Variants in SRCAP observed in about 807,000 individuals in gnomAD.
The protein encoded by SRCAP is Snf2 related CREBBP activator protein.
In SRCAP, 46 loss-of-function variants were observed where a neutral mutation model predicts 263.1. That is an observed-to-expected ratio of 0.17 (90% CI 0.14 to 0.22). SRCAP has a LOEUF of 0.22. Ranked by LOEUF, SRCAP falls within the 10% of genes least tolerant of loss-of-function variation. SRCAP has a pLI of 1.00. For synonymous variants in SRCAP, 1,813 were observed against 1,662.1 expected (o/e 1.09, Z -2.21); for missense variants, 3,695 against 4,181.9 (o/e 0.88, Z 3.21).
chr16:30,723,566 C>A lies in SRCAP; in HGVS notation c.4160-18C>A. 6.2e-7 allele frequency: 1 copy of A among 1,601,298 alleles called. No individual in the cohort carries two copies. Among genetic ancestry groups the A allele is most frequent in the East Asian group, 2.2e-5 (1 of 44,762 alleles). On this transcript the variant is annotated intron_variant, in intron 24 of 33. Coordinates refer to ENST00000262518, the MANE Select transcript of SRCAP (RefSeq NM_006662.3). ...CAGGAAAAGAATTCTGGGGCTAACT[C>A]ATCCTCTCTCTCCACAGCTTCAGCC...
Position 30,704,205 on chromosome 16 carries a change from G to T in SRCAP, c.196G>T (p.Gly66Cys). Residue 66 changes from glycine (G) to cysteine (C), a missense_variant, in exon 4 of 34, where the codon GGT (glycine) becomes TGT (cysteine). Physicochemically the swap from Gly to Cys is radical, Grantham distance 159 (BLOSUM62 -3). Coordinates refer to ENST00000262518, the MANE Select transcript of SRCAP (RefSeq NM_006662.3). ...GGATGGACCTCCAGGCCCCCCAGAT[G>T]GTGCCACAGTGCCCCTGGAGGGGTT... is the stretch of plus-strand genomic sequence containing the variant. ...SLDGPPGPPDGATVPLEGFSL... is the reference protein window; with the variant it reads ...SLDGPPGPPDCATVPLEGFSL... The T allele has an allele frequency of 1.9e-6, 3 of 1,614,194 alleles. No homozygotes were observed. Among genetic ancestry groups the T allele is most frequent in the Non-Finnish European group, 2.5e-6 (3 of 1,180,036 alleles).
At position 30,722,147 on chromosome 16, in the gene SRCAP, G is replaced by C. The variant is rs1306682420; in HGVS notation, c.3567G>C (p.Gln1189His). The C allele has an allele frequency of 6.2e-7, 1 of 1,614,058 alleles. No individual in the cohort carries two copies. The highest frequency in any genetic ancestry group is 8.5e-7 in the Non-Finnish European group (1 of 1,180,024). ...LPSGEVVSIG[Q>H]LASLAQRPVA... Reference sequence around the variant, plus strand: ...CAGGCGAAGTGGTCAGCATCGGGCAGTTAGCCTCACTGGCACAACGTCCAG... The same window carrying C: ...CAGGCGAAGTGGTCAGCATCGGGCACTTAGCCTCACTGGCACAACGTCCAG... Residue 1189 changes from glutamine (Q) to histidine (H), a missense_variant, in exon 22 of 34, where the codon CAG becomes CAC. By Grantham distance (24) the Gln-to-His change is conservative. Transcript: ENST00000262518.
chr16:30,722,540 C>T (rs1357304309), intron 22 of SRCAP, 23 bp from the exon 23 acceptor site: 1 of 1,606,490 alleles, frequency 6.2e-7, no homozygotes, highest in Non-Finnish European at 8.5e-7. Context: ...TTCTCTCTCT[C>T]TTTCTCTCTT....
At chr16:30,734,466 T>C in intron 30 of SRCAP, 30 bp from the exon 31 acceptor site, 1 of 1,613,148 alleles carries the variant, frequency 6.2e-7, no homozygotes, top group Non-Finnish European at 8.5e-7. Flanking sequence ...TTCTGTTGAC[T>C]CTGACACTTC....
chr16:30,703,173 G>A (rs1005871365), intron 3 of SRCAP, among the ~76,000 whole-genome samples: 16 of 143,960 alleles, frequency 1.1e-4, no homozygotes, highest in African/African-American at 2.3e-4. Context: ...ATATATGTAT[G>A]TATATAAATT....
intron 4 of SRCAP, 119 bp from the exon 5 acceptor site, chr16:30,707,064 T>C: frequency 1.1e-6 from 1 of 930,120 alleles, no homozygotes; most frequent in Non-Finnish European, 1.6e-6. Context: ...GTAAGTTTGG[T>C]ATGTGGACTA....
chr16:30,723,136 C>G lies in SRCAP; in HGVS notation c.4066C>G (p.Pro1356Ala). The stretch of plus-strand genomic sequence containing the variant: ...GTTAACCCCTGGCCGGCTACCCACA[C>G]CTACTCTGGGTACTGCTCGAGCCCC... ...PTLTPGRLPTPTLGTARAPMP... is the reference protein window; with the variant it reads ...PTLTPGRLPTATLGTARAPMP... The change falls in exon 24 of 34, where the codon CCT becomes GCT. Residue 1356 changes from proline (P) to alanine (A), a missense_variant. Around this residue, in one of 12 missense-constraint regions of SRCAP, gnomAD observed 1,347 missense variants for 1,304.4 expected, o/e 1.03. Transcript: ENST00000262518. 1 of 1,614,120 alleles carries G rather than the reference C, an allele frequency of 6.2e-7. No homozygotes were observed. The highest frequency in any genetic ancestry group is 8.5e-7 in the Non-Finnish European group (1 of 1,180,026).
chr16:30,729,653 A>G, intron 27 of SRCAP, 81 bp downstream of exon 27: 2 of 1,524,254 alleles, frequency 1.3e-6, no homozygotes, highest in Middle Eastern at 1.7e-4. Flanking sequence ...GGGATGCTGC[A>G]CTTAAGTTCT....
Position 30,716,005 on chromosome 16 carries a change from C to T in SRCAP, c.2494-61C>T. On this transcript the variant is annotated intron_variant, in intron 16 of 33. Coordinates refer to ENST00000262518, the MANE Select transcript of SRCAP (RefSeq NM_006662.3). ...GACTCCATTAGTGTTTGCTGAGGGG[C>T]TTAGGCTGGGGCTCGGTGCCTGAGT... is the stretch of plus-strand genomic sequence containing the variant. The T allele has an allele frequency of 2.5e-6, 4 of 1,607,812 alleles. No individual in the cohort carries two copies. The South Asian group carries it at 4.4e-5, about 18-fold the overall frequency.
At position 30,720,941 on chromosome 16, in the gene SRCAP, G is replaced by A; in HGVS notation, c.3216G>A (p.Leu1072=). The A allele has an allele frequency of 6.2e-7, 1 of 1,612,826 alleles. No homozygotes were observed. The highest frequency in any genetic ancestry group is 8.5e-7 in the Non-Finnish European group (1 of 1,179,310). ...CTCGGCCTCCTGGCCCTGTCCTCTTGCCTCCACTGCAGCCCAACAGTGGTT... is the reference window on the plus strand; with the variant it reads ...CTCGGCCTCCTGGCCCTGTCCTCTTACCTCCACTGCAGCCCAACAGTGGTT... ...PASRPPGPVL[L]PPLQPNSGSL... Residue 1072 remains leucine, a synonymous_variant, in exon 20 of 34, where the codon TTG becomes TTA. Transcript: ENST00000262518.
intron 13 of SRCAP, 74 bp downstream of exon 13, chr16:30,712,513 C>A: frequency 6.6e-7 from 1 of 1,521,754 alleles, no homozygotes. Flanking sequence ...ATGACTCCAG[C>A]TTCATTGACT....
At chr16:30,722,824 C>A in intron 23 of SRCAP, 76 bp downstream of exon 23, 1 of 1,552,752 alleles carries the variant, frequency 6.4e-7, no homozygotes. Context: ...ACTGTCTGTC[C>A]AGCCTTCCCT....
In SRCAP at chr16:30,720,850, C is replaced by G; in HGVS notation, c.3125C>G (p.Pro1042Arg). 1 of 1,614,024 alleles carries G rather than the reference C, an allele frequency of 6.2e-7. No individual in the cohort carries two copies. Among genetic ancestry groups the G allele is most frequent in the Non-Finnish European group, 8.5e-7 (1 of 1,180,004 alleles). ...GCCCAGCCCACCCCTGGCCCAGTCC[C>G]CCAAGTGCTGCCAGCATCACTGATG... ...LSAQPTPGPV[P>R]QVLPASLMVS... Residue 1042 changes from proline (P) to arginine (R), a missense_variant, in exon 20 of 34, where the codon CCC (proline) becomes CGC (arginine). Around this residue, in one of 12 missense-constraint regions of SRCAP, gnomAD observed 1,347 missense variants for 1,304.4 expected, o/e 1.03. Transcript: ENST00000262518.
At chr16:30,707,808 A>G in intron 6 of SRCAP, 96 bp downstream of exon 6, 2 of 1,471,408 alleles carry the variant, frequency 1.4e-6, no homozygotes, top group Non-Finnish European at 1.9e-6. Context: ...GGGAGTAAAT[A>G]TAATTTCAGG....
chr16:30,700,331 A>G (rs922007890), intron 2 of SRCAP, among the ~76,000 whole-genome samples: 4 of 152,214 alleles, frequency 2.6e-5, no homozygotes, highest in Non-Finnish European at 5.9e-5. Context: ...TGTAAGCTAC[A>G]TTTAGGTCGG....
chr16:30,713,682 A>G lies in SRCAP; in HGVS notation c.2464A>G (p.Asn822Asp), dbSNP rs1454332319. 1.2e-6 allele frequency: 2 copies of G among 1,614,098 alleles called. No individual in the cohort carries two copies. The highest frequency in any genetic ancestry group is 1.7e-6 in the Non-Finnish European group (2 of 1,180,020). Residue 822 changes from asparagine to aspartate, a missense_variant, in exon 16 of 34, where the codon AAT becomes GAT. By Grantham distance (23) the Asn-to-Asp change is conservative. Around this residue, in one of 12 missense-constraint regions of SRCAP, gnomAD observed 121 missense variants for 330.7 expected, o/e 0.37. Coordinates refer to ENST00000262518, the MANE Select transcript of SRCAP (RefSeq NM_006662.3). ...CATGATTGAGGGCAGCCAAGAGTAT[A>G]ATGAAGGTCTAGTCAAACGCCTCCA... ...TGMIEGSQEY[N>D]EGLVKRLHKV...
Position 30,720,947 on chromosome 16 carries a change from A to G in SRCAP, c.3222A>G (p.Pro1074=). 1 of 1,611,880 alleles carries G rather than the reference A, an allele frequency of 6.2e-7. No homozygotes were observed. Among genetic ancestry groups the G allele is most frequent in the South Asian group, 1.1e-5 (1 of 90,708 alleles). The change falls in exon 20 of 34, where the codon CCA becomes CCG. Residue 1074 remains proline (P), a synonymous_variant. Coordinates refer to ENST00000262518, the MANE Select transcript of SRCAP (RefSeq NM_006662.3). The part of the protein sequence containing the change: ...SRPPGPVLLP[P]LQPNSGSLPQ... ...CTCCTGGCCCTGTCCTCTTGCCTCC[A>G]CTGCAGCCCAACAGTGGTTCTCTCC...
chr16:30,723,834 A>G lies in SRCAP; in HGVS notation c.4410A>G (p.Pro1470=). 3.1e-6 allele frequency: 5 copies of G among 1,613,512 alleles called. No homozygotes were observed. The highest frequency in any genetic ancestry group is 4.2e-6 in the Non-Finnish European group (5 of 1,179,912). ...CCTTGACTGTTTCTGCTTCGGGCCC[A>G]GCTCTGTTGACCAGTGTGACTCCAC... ...SAPLTVSASG[P]ALLTSVTPPL... Residue 1470 remains proline, a synonymous_variant, in exon 25 of 34, where the codon CCA becomes CCG. Transcript: ENST00000262518.
chr16:30,723,977 C>T lies in SRCAP; in HGVS notation c.4553C>T (p.Ser1518Phe), dbSNP rs1244234372. Reference sequence around the variant, plus strand: ...GCCACAGCTCCATCCCTGTCTTCATCTCAGACACCTGGTCACCCTCTGTTG... The same window carrying T: ...GCCACAGCTCCATCCCTGTCTTCATTTCAGACACCTGGTCACCCTCTGTTG... ...GLATAPSLSSSQTPGHPLLLA... is the reference protein window; with the variant it reads ...GLATAPSLSSFQTPGHPLLLA... The change falls in exon 25 of 34, where the codon TCT (serine) becomes TTT (phenylalanine). Residue 1518 changes from serine (S) to phenylalanine (F), a missense_variant. Ser to Phe is a radical substitution (Grantham distance 155). This residue lies in a region of SRCAP where 1,347 missense variants were observed against 1,304.4 expected (regional missense o/e 1.03). Transcript: ENST00000262518. 2.4e-5 allele frequency: 38 copies of T among 1,614,070 alleles called. No homozygotes were observed. Among genetic ancestry groups the T allele is most frequent in the Non-Finnish European group, 3.0e-5 (35 of 1,180,038 alleles).
Sources: gnomAD v4.1 joint callset for allele counts (sites outside exome capture counted in the v4.1 genomes callset) on GRCh38, gnomAD v4.1.1 for gene constraint, gnomAD v4.1.1 regional missense constraint, MANE v1.5 for transcripts, NCBI Gene and HGNC (gene_info 2026-07-23, HGNC 2026-07-21) for gene names.